HUS1: variants seen among roughly 807,000 people sequenced by gnomAD.
HUS1 encodes HUS1 checkpoint clamp component, also known as checkpoint protein HUS1.
A neutral mutation model predicts 32.6 loss-of-function variants in HUS1; 31 were observed. That is an observed-to-expected ratio of 0.95 (90% CI 0.72 to 1.28). HUS1 has a LOEUF of 1.28. Among genes scored for constraint, HUS1 ranks in the 50% most tolerant of loss-of-function variants. The pLI, the probability that HUS1 is intolerant of heterozygous loss-of-function variation, is 0.00. For missense variants in HUS1, 340 were observed against 337.7 expected, an observed-to-expected ratio of 1.01 and a Z score of -0.05; for synonymous variants, 123 against 116.6, an observed-to-expected ratio of 1.06 and a Z score of -0.36.
chr7:47,965,472 A>G (rs367561737), intron 7 of HUS1, 34 bp from the exon 8 acceptor site: 2 of 1,423,850 alleles, frequency 1.4e-6, no homozygotes, highest in Non-Finnish European at 2.0e-6. Context: ...TTAGAGACCT[A>G]GTGCAGCACA....
chr7:47,968,828 G>A, intron 6 of HUS1: 1 of 167,166 alleles, frequency 6.0e-6, no homozygotes, highest in Non-Finnish European at 1.3e-5. Flanking sequence ...TCATACATAT[G>A]GAAGTAACTG....
intron 5 of HUS1, among the ~76,000 whole-genome samples, chr7:47,970,010 G>A (rs1262725258): frequency 6.6e-6 from 1 of 151,850 alleles, no homozygotes; most frequent in Non-Finnish European, 1.5e-5. Context: ...GAGGCGGGCG[G>A]ATCACGAGGT....
chr7:47,965,510 C>A (rs1788459649), intron 7 of HUS1, 72 bp from the exon 8 acceptor site: 2 of 1,010,044 alleles, frequency 2.0e-6, no homozygotes, highest in Non-Finnish European at 3.1e-6. Flanking sequence ...TTTTTCAGAA[C>A]AGCCTTCCCA....
At chr7:47,968,052 T>C (rs1583714631) in intron 6 of HUS1, 127 bp from the exon 7 acceptor site, 9 of 881,256 alleles carry the variant, frequency 1.0e-5, no homozygotes, top group East Asian at 7.8e-5. Context: ...TGAAGAAATA[T>C]TGCAACTTGT....
At chr7:47,973,381 C>A (rs991170318) in intron 5 of HUS1, among the ~76,000 whole-genome samples, 1 of 152,186 alleles carries the variant, frequency 6.6e-6, no homozygotes, top group African/African-American at 2.4e-5. Context: ...TCAGAACCTG[C>A]ACTTTAACCA....
chr7:47,979,200 C>A (rs1418221649), intron 1 of HUS1, among the ~76,000 whole-genome samples: 1 of 152,188 alleles, frequency 6.6e-6, no homozygotes, highest in East Asian at 1.9e-4. Flanking sequence ...GGAGCAGTGG[C>A]CGCTTTTTTT....
chr7:47,976,860 A>G lies in HUS1; in HGVS notation c.358-23T>C, dbSNP rs766585477. 6.3e-5 allele frequency: 94 copies of G among 1,495,264 alleles called. No individual in the cohort carries two copies. The Admixed American group carries it at 9.1e-4, about 14-fold the overall frequency. The allele number at this position is 1,495,264 out of a possible 1,614,324, so 92.6% of individuals were successfully genotyped here. Reference sequence around the variant, plus strand: ...TAACTGCCAAGAAAAGAATTTAAAAATATTTTTATGTTGTTAATATTAAGC... The same window carrying G: ...TAACTGCCAAGAAAAGAATTTAAAAGTATTTTTATGTTGTTAATATTAAGC... On this transcript the variant is annotated intron_variant, in intron 3 of 7. Transcript: ENST00000258774.
rs764581593 is a variant in HUS1 at position 47,967,999 on chromosome 7, T to C, written c.641-74A>G. ...GAAACCTGGAGATACTCAATGCATT[T>C]TACTTAAATAAATGATTCACTTTAG... On this transcript the variant is annotated intron_variant, in intron 6 of 7. Coordinates refer to ENST00000258774, the MANE Select transcript of HUS1 (RefSeq NM_004507.4). 6.0e-5 allele frequency: 89 copies of C among 1,480,702 alleles called. 1 individual carries two copies. In the Admixed American group the frequency reaches 7.8e-4, roughly 13 times the overall value. 91.7% of individuals were successfully genotyped at this position (1,480,702 alleles called of 1,614,324 possible).
rs778232904 is a variant in HUS1 at position 47,979,524 on chromosome 7, G to T, written c.-5C>A. 1 of 1,607,574 alleles carries T rather than the reference G, an allele frequency of 6.2e-7. No individual in the cohort carries two copies. Among genetic ancestry groups the T allele is most frequent in the Non-Finnish European group, 8.5e-7 (1 of 1,178,212 alleles). On this transcript the variant is annotated 5_prime_UTR_variant, in exon 1 of 8. Coordinates refer to ENST00000258774, the MANE Select transcript of HUS1 (RefSeq NM_004507.4). ...GATCTTGGCCCGAAACTTCATGGCCGCGGATGGCGCAGCCGCGGCGGGCCT... is the reference window on the plus strand; with the variant it reads ...GATCTTGGCCCGAAACTTCATGGCCTCGGATGGCGCAGCCGCGGCGGGCCT...
rs1434822506 is a variant in HUS1 at position 47,975,696 on chromosome 7, C to A, written c.466-9G>T. On this transcript the variant is annotated splice_polypyrimidine_tract_variant and intron_variant, in intron 4 of 7. Coordinates refer to ENST00000258774, the MANE Select transcript of HUS1 (RefSeq NM_004507.4). ...GGTAAATAAATACTAACCTACAAAA[C>A]CAATGAGAAAAAAGCACAAGTATTA... is the stretch of plus-strand genomic sequence containing the variant. 2 of 1,531,830 alleles carry A rather than the reference C, an allele frequency of 1.3e-6. No homozygotes were observed. The highest frequency in any genetic ancestry group is 1.8e-5 in the Admixed American group (1 of 55,460). The allele number at this position is 1,531,830 out of a possible 1,614,324, so 94.9% of individuals were successfully genotyped here.
chr7:47,967,705 T>C, intron 7 of HUS1, 101 bp downstream of exon 7: 1 of 1,044,986 alleles, frequency 9.6e-7, no homozygotes. Context: ...TTTTTTTTTT[T>C]TTTGGATTTA....
intron 4 of HUS1, chr7:47,976,319 T>C: frequency 2.2e-6 from 1 of 458,060 alleles, no homozygotes; most frequent in Non-Finnish European, 4.4e-6. Flanking sequence ...ACCATCGGCA[T>C]GACCGTTACC....
At chr7:47,979,433 T>C in intron 1 of HUS1, 35 bp downstream of exon 1, 3 of 1,612,022 alleles carry the variant, frequency 1.9e-6, no homozygotes, top group Non-Finnish European at 2.5e-6. Flanking sequence ...CTTCCTTCCG[T>C]TCCTCCCTCG....
Position 47,979,585 on chromosome 7 carries a change from C to A in HUS1, c.-66G>T. On this transcript the variant is annotated 5_prime_UTR_variant, in exon 1 of 8. Coordinates refer to ENST00000258774, the MANE Select transcript of HUS1 (RefSeq NM_004507.4). ...CAGAAAAGCGTCGCGCCCTGAGTGT[C>A]CCCGCCCGGAAACACGGCAGCGCGA... The A allele has an allele frequency of 1.5e-6, 2 of 1,291,510 alleles. No homozygotes were observed. The highest frequency in any genetic ancestry group is 2.2e-6 in the Non-Finnish European group (2 of 895,494). 80.0% of individuals were successfully genotyped at this position (1,291,510 alleles called of 1,614,324 possible).
chr7:47,970,901 T>C (rs1197493867), intron 5 of HUS1, among the ~76,000 whole-genome samples: 5 of 152,230 alleles, frequency 3.3e-5, no homozygotes, highest in African/African-American at 9.6e-5. Flanking sequence ...TGAAATCCTA[T>C]TCCTGTGAGT....
intron 3 of HUS1, chr7:47,978,193 G>A (rs953229165): frequency 5.2e-5 from 22 of 420,916 alleles, no homozygotes; most frequent in Middle Eastern, 6.5e-4. Context: ...GAAGTTTCAC[G>A]GCTTGGAAAA....
At chr7:47,972,624 C>G (rs1176116852) in intron 5 of HUS1, among the ~76,000 whole-genome samples, 1 of 152,210 alleles carries the variant, frequency 6.6e-6, no homozygotes, top group African/African-American at 2.4e-5. Flanking sequence ...GCTGACTATA[C>G]TGGGCACCTA....
intron 4 of HUS1, chr7:47,976,528 C>G: frequency 1.6e-6 from 1 of 624,086 alleles, no homozygotes; most frequent in Non-Finnish European, 3.0e-6. Context: ...GAGACATTTT[C>G]TACATATAGG....
Position 47,967,935 on chromosome 7 carries a change from T to C in HUS1, c.641-10A>G, listed in dbSNP as rs1216301991. 5.6e-6 allele frequency: 9 copies of C among 1,607,956 alleles called. No individual in the cohort carries two copies. ...TGGGTGCTTTCAGAGGCTAAAATGA[T>C]AGGAATGCATTTAAATACAACATCT... On this transcript the variant is annotated splice_polypyrimidine_tract_variant and intron_variant, in intron 6 of 7. Coordinates refer to ENST00000258774, the MANE Select transcript of HUS1 (RefSeq NM_004507.4).
Sources: gnomAD v4.1 joint callset for allele counts (sites outside exome capture counted in the v4.1 genomes callset) on GRCh38, gnomAD v4.1.1 for gene constraint, MANE v1.5 for transcripts, NCBI Gene and HGNC (gene_info 2026-07-23, HGNC 2026-07-21) for gene names.